FUBP1: variants seen among roughly 807,000 people sequenced by gnomAD.
FUBP1 encodes far upstream element-binding protein 1.
FUBP1 carries 16 observed loss-of-function variants against 94.9 expected under a neutral mutation model. That is an observed-to-expected ratio of 0.17 (90% confidence interval 0.11 to 0.26). The LOEUF is 0.26. Ranked by LOEUF, FUBP1 falls within the 10% of genes least tolerant of loss-of-function variation. The pLI, the probability that FUBP1 is intolerant of heterozygous loss-of-function variation, is 1.00. For missense variants in FUBP1, 583 were observed against 808.6 expected (o/e 0.72, Z 3.38); for synonymous variants, 279 against 254.9 (o/e 1.09, Z -0.90).
At chr1:77,959,773 T>C (rs1359761995) in intron 16 of FUBP1, among the ~76,000 whole-genome samples, 1 of 152,224 alleles carries the variant, frequency 6.6e-6, no homozygotes, top group Non-Finnish European at 1.5e-5. Flanking sequence ...CTCAGACTTC[T>C]GAATAGGTGG....
At chr1:77,958,541 G>A (rs544689780) in intron 16 of FUBP1, among the ~76,000 whole-genome samples, 3 of 152,318 alleles carry the variant, frequency 2.0e-5, no homozygotes, top group East Asian at 3.9e-4. Flanking sequence ...CAGGGACCCA[G>A]TAACCCTTTG....
At position 77,949,207 on chromosome 1, in the gene FUBP1, T is replaced by G. The variant is rs762248194; in HGVS notation, c.1874A>C (p.Tyr625Ser). 6.2e-7 allele frequency: 1 copy of G among 1,613,506 alleles called. No individual in the cohort carries two copies. The highest frequency in any genetic ancestry group is 8.5e-7 in the Non-Finnish European group (1 of 1,179,572). ...TCCCTGGGGACTTGTCTGGGCATAATAGGCTGCTTGTTGTCTATAATACTC... is the reference window on the plus strand; with the variant it reads ...TCCCTGGGGACTTGTCTGGGCATAAGAGGCTGCTTGTTGTCTATAATACTC... Reference protein sequence around the residue: ...WAEYYRQQAAYYAQTSPQGMP... With the variant: ...WAEYYRQQAASYAQTSPQGMP... The change falls in exon 19 of 20, where the codon TAT becomes TCT. Residue 625 changes from tyrosine to serine, a missense_variant. Physicochemically the swap from Tyr to Ser is moderately radical, Grantham distance 144 (BLOSUM62 -2). Coordinates refer to ENST00000370768, the MANE Select transcript of FUBP1 (RefSeq NM_003902.5).
intron 1 of FUBP1, among the ~76,000 whole-genome samples, chr1:77,975,201 T>C (rs1357632818): frequency 6.6e-6 from 1 of 152,240 alleles, no homozygotes; most frequent in African/African-American, 2.4e-5. Flanking sequence ...TAAAAATGTT[T>C]ATTGATTTAA....
At position 77,979,040 on chromosome 1, in the gene FUBP1, G is replaced by T. The variant is rs377362759; in HGVS notation, c.-36C>A. ...TAAGAGCCGCTGCCGCCTGTTCAGA[G>T]ACTTCCTCTCAGCTAACAGCTAAGA... On this transcript the variant is annotated 5_prime_UTR_variant, in exon 1 of 20. Coordinates refer to ENST00000370768, the MANE Select transcript of FUBP1 (RefSeq NM_003902.5). 1.1e-5 allele frequency: 18 copies of T among 1,574,598 alleles called. No individual in the cohort carries two copies. The highest frequency in any genetic ancestry group is 1.5e-5 in the Non-Finnish European group (17 of 1,154,896).
intron 6 of FUBP1, 49 bp downstream of exon 6, chr1:77,966,835 A>C: frequency 1.5e-6 from 2 of 1,337,220 alleles, no homozygotes; most frequent in Non-Finnish European, 2.1e-6. Flanking sequence ...AAAAAAAAAA[A>C]AGCTAGTTTT....
At chr1:77,978,311 G>A (rs1659110709) in intron 1 of FUBP1, among the ~76,000 whole-genome samples, 1 of 152,226 alleles carries the variant, frequency 6.6e-6, no homozygotes, top group South Asian at 2.1e-4. Flanking sequence ...GCCATTTTGA[G>A]AAATAAGGGG....
intron 16 of FUBP1, among the ~76,000 whole-genome samples, chr1:77,958,192 T>G (rs1054073935): frequency 7.2e-5 from 11 of 152,166 alleles, no homozygotes; most frequent in Non-Finnish European, 7.4e-5. Context: ...GTATTTCTAC[T>G]CCCAAATGTG....
chr1:77,954,517 T>A (rs900959084), intron 18 of FUBP1, among the ~76,000 whole-genome samples: 2 of 152,200 alleles, frequency 1.3e-5, no homozygotes, highest in African/African-American at 4.8e-5. Context: ...AAGATTAAAA[T>A]CATCACCTTT....
chr1:77,978,930 T>TCCA lies in FUBP1; in HGVS notation c.72_74dup (p.Gly26dup), dbSNP rs757449625. ...CATCTTTGAAAGCGTCGTTAACTCC[T>TCCA]CCACCACCACCGCCGCCACCACCGC... On this transcript the variant is annotated inframe_insertion, in exon 1 of 20. Coordinates refer to ENST00000370768, the MANE Select transcript of FUBP1 (RefSeq NM_003902.5). The TCCA allele has an allele frequency of 5.6e-6, 9 of 1,613,482 alleles. No homozygotes were observed. The African/African-American group carries it at 9.4e-5, about 17-fold the overall frequency.
chr1:77,973,824 T>A (rs574738817), intron 1 of FUBP1, among the ~76,000 whole-genome samples: 1 of 152,358 alleles, frequency 6.6e-6, no homozygotes, highest in East Asian at 1.9e-4. Flanking sequence ...GTCCCCTCAT[T>A]CATATAACTT....
intron 17 of FUBP1, chr1:77,955,577 T>C (rs567431441): frequency 1.8e-5 from 7 of 384,324 alleles, no homozygotes; most frequent in Admixed American, 9.0e-5. Flanking sequence ...AGTAAATGCA[T>C]GTCAAATAAG....
intron 2 of FUBP1, 131 bp downstream of exon 2, chr1:77,969,794 A>C (rs978305249): frequency 1.8e-5 from 8 of 441,014 alleles, no homozygotes; most frequent in Non-Finnish European, 3.3e-5. Context: ...CTTTTAGGCC[A>C]ATATACAGCT....
Position 77,966,924 on chromosome 1 carries a change from G to T in FUBP1, c.375C>A (p.Arg125=). ...TTTTGCATCCAGATTCCTGTTGTAT[G>T]CGTGAGATCTGTTCACCTCCTCTGC... ...IIGRGGEQIS[R]IQQESGCKIQ... is the part of the protein sequence containing the mutation. The change falls in exon 6 of 20, where the codon CGC becomes CGA. Residue 125 remains arginine, a synonymous_variant. Transcript: ENST00000370768. 2 of 1,606,346 alleles carry T rather than the reference G, an allele frequency of 1.2e-6. No individual in the cohort carries two copies. Among genetic ancestry groups the T allele is most frequent in the Non-Finnish European group, 1.7e-6 (2 of 1,173,744 alleles).
In FUBP1 at chr1:77,953,350, A is replaced by C. The variant is rs1653861933; in HGVS notation, c.1780+1905T>G. On this transcript the variant is annotated intron_variant, in intron 18 of 19. Transcript: ENST00000370768. ...ACTAAATATACAAAAAATCAGCCGGATGTGGTAGCAGGCGCCTGTAATCCC... is the reference window on the plus strand; with the variant it reads ...ACTAAATATACAAAAAATCAGCCGGCTGTGGTAGCAGGCGCCTGTAATCCC... Among the ~76,000 whole-genome samples, 6 of 150,338 alleles carry C rather than the reference A, an allele frequency of 4.0e-5. No homozygotes were observed. The South Asian group carries it at 1.3e-3, about 32-fold the overall frequency.
chr1:77,953,028 TG>T (rs1307880205), intron 18 of FUBP1, among the ~76,000 whole-genome samples: 2 of 151,508 alleles, frequency 1.3e-5, no homozygotes, highest in Non-Finnish European at 2.9e-5. Flanking sequence ...CCCAGCTACT[TG>T]GGAAGTTGAG....
intron 1 of FUBP1, among the ~76,000 whole-genome samples, chr1:77,970,930 C>T (rs1413978727): frequency 6.6e-6 from 1 of 152,066 alleles, no homozygotes; most frequent in Non-Finnish European, 1.5e-5. Flanking sequence ...ATAGTCCCAG[C>T]TACTCGGGAG....
intron 2 of FUBP1, among the ~76,000 whole-genome samples, chr1:77,968,832 C>G (rs1328674293): frequency 6.6e-6 from 1 of 152,106 alleles, no homozygotes; most frequent in Non-Finnish European, 1.5e-5. Context: ...TTGGAACAGA[C>G]AACCTATAGC....
intron 2 of FUBP1, 137 bp downstream of exon 2, chr1:77,969,788 T>C (rs1571338249): frequency 2.4e-6 from 1 of 419,090 alleles, no homozygotes; most frequent in East Asian, 3.6e-5. Context: ...TCCCCCCTTT[T>C]AGGCCAATAT....
chr1:77,974,772 A>C (rs1412576226), intron 1 of FUBP1, among the ~76,000 whole-genome samples: 1 of 152,188 alleles, frequency 6.6e-6, no homozygotes, highest in Non-Finnish European at 1.5e-5. Flanking sequence ...ATATTCACTG[A>C]GGTTCTTGGA....
Sources: allele counts gnomAD v4.1 joint callset (sites outside exome capture counted in the v4.1 genomes callset), GRCh38; gene constraint gnomAD v4.1.1; transcripts MANE v1.5; gene names NCBI Gene and HGNC (gene_info 2026-07-23, HGNC 2026-07-21).